Variants in SPTLC3 observed in about 807,000 individuals in gnomAD.
SPTLC3 encodes the protein serine palmitoyltransferase 3.
In SPTLC3, 36 loss-of-function variants were observed where a neutral mutation model predicts 59.3. That is an observed-to-expected ratio of 0.61 (90% CI 0.47 to 0.80). The LOEUF (loss-of-function observed/expected upper bound fraction) is 0.80, where lower values mean the gene tolerates loss of function less well. Among genes scored for constraint, SPTLC3 ranks in the 30% least tolerant of loss-of-function variants. The probability of loss-of-function intolerance (pLI) is 0.00; values close to 1 mark genes in which losing one functional copy is unlikely to be tolerated. For synonymous variants in SPTLC3, 257 were observed against 240.8 expected (o/e 1.07, Z -0.62); for missense variants, 625 against 685.1 (o/e 0.91, Z 0.98).
intron 1 of SPTLC3, among the ~76,000 whole-genome samples, chr20:13,015,453 C>G (rs1985479514): frequency 6.6e-6 from 1 of 151,910 alleles, no homozygotes; most frequent in Admixed American, 6.6e-5. Context: ...AAATGAAAAT[C>G]AATTGGAAGG....
chr20:13,037,912 G>A (rs1166414363), intron 1 of SPTLC3, among the ~76,000 whole-genome samples: 1 of 152,008 alleles, frequency 6.6e-6, no homozygotes, highest in East Asian at 1.9e-4. Context: ...AGAGATGGAT[G>A]AGACATACCA....
At chr20:13,028,079 T>C (rs1986248156) in intron 1 of SPTLC3, among the ~76,000 whole-genome samples, 1 of 152,190 alleles carries the variant, frequency 6.6e-6, no homozygotes, top group South Asian at 2.1e-4. Context: ...GGCAGAGGCA[T>C]TGATGACACG....
At chr20:13,120,222 CAGATAGATAGGT>C (rs1239706623) in intron 8 of SPTLC3, among the ~76,000 whole-genome samples, 2 of 152,048 alleles carry the variant, frequency 1.3e-5, no homozygotes, top group East Asian at 1.9e-4. Context: ...TACTGTAAGA[CAGATAGATAGGT>C]AGATAGATAG....
Position 13,063,637 on chromosome 20 carries a change from T to TTTTATTTATTTATTTATTTA in SPTLC3, c.304-8607_304-8588dup, listed in dbSNP as rs58141093. Among the ~76,000 whole-genome samples, 168 of 145,706 alleles carry TTTTATTTATTTATTTATTTA rather than the reference T, an allele frequency of 1.2e-3. 1 individual carries two copies. The highest frequency in any genetic ancestry group is 1.1e-3 in the Admixed American group (16 of 14,668). On this transcript the variant is annotated intron_variant, in intron 2 of 11. Transcript: ENST00000399002. ...GACTATTTTTTAAATTTTTTTTAAA[T>TTTTATTTATTTATTTATTTA]TTTATTTATTTATTTATTTATTTAT...
intron 7 of SPTLC3, among the ~76,000 whole-genome samples, chr20:13,112,378 C>T (rs760101105): frequency 2.6e-5 from 4 of 152,212 alleles, no homozygotes; most frequent in African/African-American, 7.2e-5. Flanking sequence ...TCCCTTACAA[C>T]GTGGTGCTGG....
intron 4 of SPTLC3, 105 bp downstream of exon 4, chr20:13,074,602 G>A (rs996338275): frequency 2.4e-6 from 3 of 1,253,064 alleles, no homozygotes; most frequent in Admixed American, 2.6e-5. Context: ...TTAAAAAGGT[G>A]TTATAAACTG....
chr20:13,017,619 T>A (rs917664398), intron 1 of SPTLC3, among the ~76,000 whole-genome samples: 1 of 152,182 alleles, frequency 6.6e-6, no homozygotes, highest in Non-Finnish European at 1.5e-5. Context: ...ATGAGATCTT[T>A]TTTGTGATTT....
intron 4 of SPTLC3, among the ~76,000 whole-genome samples, chr20:13,076,816 G>A (rs1345041872): frequency 6.6e-6 from 1 of 152,094 alleles, no homozygotes; most frequent in Non-Finnish European, 1.5e-5. Context: ...CCACCAAAGG[G>A]GCTCAAAAGG....
intron 9 of SPTLC3, among the ~76,000 whole-genome samples, chr20:13,134,387 T>C (rs78189090): frequency 0.019 from 2,838 of 152,326 alleles, 53 homozygotes; most frequent in South Asian, 0.03. Context: ...TTACTCATTA[T>C]GCCTATCTGC....
chr20:13,153,319 CAA>C (rs2122958031), intron 9 of SPTLC3, among the ~76,000 whole-genome samples: 1 of 152,240 alleles, frequency 6.6e-6, no homozygotes, highest in African/African-American at 2.4e-5. Flanking sequence ...GCTGAAGCAC[CAA>C]TAACCTTGAC....
At chr20:13,113,933 C>A (rs535847632) in intron 7 of SPTLC3, among the ~76,000 whole-genome samples, 1 of 152,294 alleles carries the variant, frequency 6.6e-6, no homozygotes, top group East Asian at 1.9e-4. Flanking sequence ...CATGTGCAGC[C>A]TTGAGTAAGC....
chr20:13,112,141 G>T (rs1253580494), intron 7 of SPTLC3, among the ~76,000 whole-genome samples: 1 of 152,228 alleles, frequency 6.6e-6, no homozygotes, highest in Non-Finnish European at 1.5e-5. Context: ...GCTACCGTGG[G>T]TTGTGTGGAC....
At position 13,126,620 on chromosome 20, in the gene SPTLC3, G is replaced by A. The variant is rs777294407; in HGVS notation, c.1182G>A (p.Ser394=). 1.6e-5 allele frequency: 26 copies of A among 1,613,532 alleles called. No homozygotes were observed. The highest frequency in any genetic ancestry group is 3.3e-4 in the Middle Eastern group (2 of 6,082). Residue 394 remains serine, a synonymous_variant, in exon 9 of 12, where the codon TCG becomes TCA. Coordinates refer to ENST00000399002, the MANE Select transcript of SPTLC3 (RefSeq NM_018327.4). The part of the protein sequence containing the change: ...KDLVDYLRVH[S]HSAVYASSMS... Reference sequence around the variant, plus strand: ...TCGTGGATTATTTACGGGTTCACTCGCATAGTGCTGTTTATGCTTCATCCA... The same window carrying A: ...TCGTGGATTATTTACGGGTTCACTCACATAGTGCTGTTTATGCTTCATCCA...
chr20:13,028,415 C>G (rs1164373488), intron 1 of SPTLC3, among the ~76,000 whole-genome samples: 1 of 151,942 alleles, frequency 6.6e-6, no homozygotes, highest in Non-Finnish European at 1.5e-5. Context: ...AGTTTTTATT[C>G]TGCCATGATT....
At chr20:13,054,537 T>G (rs1987638294) in intron 2 of SPTLC3, among the ~76,000 whole-genome samples, 1 of 152,082 alleles carries the variant, frequency 6.6e-6, no homozygotes, top group Non-Finnish European at 1.5e-5. Context: ...AGGAGATGTT[T>G]AAGAGGTAGA....
chr20:13,139,498 T>C (rs1352178578), intron 9 of SPTLC3, among the ~76,000 whole-genome samples: 3 of 152,228 alleles, frequency 2.0e-5, no homozygotes, highest in African/African-American at 7.2e-5. Flanking sequence ...CCAGCTTCAA[T>C]GTACGGTTTC....
chr20:13,042,856 G>A (rs1482289656), intron 1 of SPTLC3, among the ~76,000 whole-genome samples: 1 of 152,124 alleles, frequency 6.6e-6, no homozygotes, highest in Non-Finnish European at 1.5e-5. Context: ...TTAAGACAAT[G>A]TCCAAATACT....
At chr20:13,080,188 T>G (rs1988789740) in intron 4 of SPTLC3, among the ~76,000 whole-genome samples, 2 of 152,044 alleles carry the variant, frequency 1.3e-5, no homozygotes, top group South Asian at 4.2e-4. Context: ...ATTTAAGAAA[T>G]AGGATACGTT....
chr20:13,106,914 C>G (rs1989932844), intron 6 of SPTLC3, among the ~76,000 whole-genome samples: 1 of 152,150 alleles, frequency 6.6e-6, no homozygotes, highest in African/African-American at 2.4e-5. Flanking sequence ...TGAACCCAAG[C>G]CAAGGGGCAG....
Sources: allele counts gnomAD v4.1 joint callset (sites outside exome capture counted in the v4.1 genomes callset), GRCh38; gene constraint gnomAD v4.1.1; transcripts MANE v1.5; gene names NCBI Gene and HGNC (gene_info 2026-07-23, HGNC 2026-07-21).